The following TBKBP1 variants were observed in gnomAD, a reference collection of about 807,000 sequenced individuals.
TBKBP1 encodes the protein TBK1 binding protein 1, also known as TANK-binding kinase 1-binding protein 1.
TBKBP1 carries 47 observed loss-of-function variants against 69.9 expected under a neutral mutation model. The ratio of observed to expected loss-of-function variants is 0.67; its 90% confidence interval spans 0.53 to 0.86. The LOEUF is 0.86. Among genes scored for constraint, TBKBP1 ranks in the 40% least tolerant of loss-of-function variants. The pLI is 0.00. For missense variants in TBKBP1, 831 were observed against 858.6 expected (o/e 0.97, Z 0.40); for synonymous variants, 418 against 390.3 (o/e 1.07, Z -0.84).
At chr17:47,700,228 A>T (rs1345775833) in intron 7 of TBKBP1, among the ~76,000 whole-genome samples, 1 of 139,594 alleles carries the variant, frequency 7.2e-6, no homozygotes, top group East Asian at 2.3e-4. Flanking sequence ...TGACCTTGTG[A>T]TCCGCCCGCC....
chr17:47,694,892 G>T (rs1052310330), intron 1 of TBKBP1, among the ~76,000 whole-genome samples: 7 of 151,018 alleles, frequency 4.6e-5, no homozygotes, highest in Non-Finnish European at 1.0e-4. Context: ...TGGCGGAGGG[G>T]GGGGGGTGGA....
chr17:47,709,557 C>A (rs1389666235), intron 9 of TBKBP1, 105 bp downstream of exon 9: 2 of 1,376,276 alleles, frequency 1.5e-6, no homozygotes, highest in African/African-American at 1.5e-5. Context: ...GGTGTCAGCG[C>A]ACAAACTATT....
intron 7 of TBKBP1, among the ~76,000 whole-genome samples, chr17:47,706,349 C>T (rs983740927): frequency 3.9e-5 from 6 of 152,190 alleles, no homozygotes; most frequent in Non-Finnish European, 8.8e-5. Flanking sequence ...GGGAAGCCTT[C>T]CCTTGGGGAG....
intron 4 of TBKBP1, 21 bp from the exon 5 acceptor site, chr17:47,698,574 C>T: frequency 1.3e-6 from 2 of 1,565,300 alleles, no homozygotes; most frequent in Non-Finnish European, 1.7e-6. Context: ...TGCAGACCCT[C>T]CCCTCTGTCT....
Position 47,709,323 on chromosome 17 carries a change from C to T in TBKBP1, c.1590C>T (p.Thr530=). 1 of 1,525,526 alleles carries T rather than the reference C, an allele frequency of 6.6e-7. No individual in the cohort carries two copies. The highest frequency in any genetic ancestry group is 2.0e-5 in the Admixed American group (1 of 50,832). 94.5% of individuals were successfully genotyped at this position (1,525,526 alleles called of 1,614,324 possible). A position where few individuals can be genotyped will look rare whatever the true frequency, so the allele number is the denominator to read the frequency against. Residue 530 remains threonine (T), a synonymous_variant, in exon 9 of 10, where the codon ACC becomes ACT. Transcript: ENST00000578982. ...PSEEDEWAVP[T]SPPSPEVGTI... is the part of the protein sequence containing the mutation. ...AGGAGGACGAGTGGGCTGTGCCCACCAGCCCGCCCAGCCCGGAGGTGGGCA... is the reference window on the plus strand; with the variant it reads ...AGGAGGACGAGTGGGCTGTGCCCACTAGCCCGCCCAGCCCGGAGGTGGGCA...
In TBKBP1 at chr17:47,699,616, C is replaced by T. The variant is rs2031408258; in HGVS notation, c.811-20C>T. 1 of 1,613,934 alleles carries T rather than the reference C, an allele frequency of 6.2e-7. No homozygotes were observed. Among genetic ancestry groups the T allele is most frequent in the Non-Finnish European group, 8.5e-7 (1 of 1,179,846 alleles). ...GGCAGGGGTGAGCTTGGGCTCTGAC[C>T]TCTTCATCTTCTTCCTTAGGATCTG... is the stretch of plus-strand genomic sequence containing the variant. On this transcript the variant is annotated intron_variant, in intron 6 of 9. Coordinates refer to ENST00000578982, the MANE Select transcript of TBKBP1 (RefSeq NM_001394755.1).
At position 47,711,394 on chromosome 17, in the gene TBKBP1, G is replaced by A. The variant is rs1453050794; in HGVS notation, c.*768G>A. 6.5e-6 allele frequency: 1 copy of A among 152,806 alleles called. No individual in the cohort carries two copies. Among genetic ancestry groups the A allele is most frequent in the Admixed American group, 6.5e-5 (1 of 15,290 alleles). The allele number at this position is 152,806 out of a possible 1,614,324, so 9.5% of individuals were successfully genotyped here. The stretch of plus-strand genomic sequence containing the variant: ...CCTCCCAGGCCCATGCCCTCCTGGT[G>A]CCCCTGGCACTGAGGCACAGATCGT... On this transcript the variant is annotated 3_prime_UTR_variant, in exon 10 of 10. Transcript: ENST00000578982.
At chr17:47,705,211 A>G (rs747057579) in intron 7 of TBKBP1, among the ~76,000 whole-genome samples, 2 of 152,140 alleles carry the variant, frequency 1.3e-5, no homozygotes, top group African/African-American at 2.4e-5. Context: ...ACGTTATAGC[A>G]TGATGGTCAG....
At chr17:47,703,199 C>T (rs1451899098) in intron 7 of TBKBP1, among the ~76,000 whole-genome samples, 1 of 152,010 alleles carries the variant, frequency 6.6e-6, no homozygotes, top group Non-Finnish European at 1.5e-5. Flanking sequence ...CTTTTCCGCA[C>T]CACCTCCCCC....
At chr17:47,703,900 TC>T (rs1348137765) in intron 7 of TBKBP1, among the ~76,000 whole-genome samples, 3 of 152,154 alleles carry the variant, frequency 2.0e-5, no homozygotes, top group African/African-American at 7.2e-5. Flanking sequence ...AGTAAGAAAT[TC>T]AGTGCAGATG....
At chr17:47,696,361 C>T in intron 2 of TBKBP1, 24 bp downstream of exon 2, 1 of 1,607,440 alleles carries the variant, frequency 6.2e-7, no homozygotes, top group Non-Finnish European at 8.5e-7. Flanking sequence ...GAGGAGGGCG[C>T]CTGATAGAGT....
intron 4 of TBKBP1, among the ~76,000 whole-genome samples, chr17:47,698,006 C>T (rs768345426): frequency 9.4e-4 from 141 of 149,630 alleles, no homozygotes; most frequent in Non-Finnish European, 1.8e-3. Flanking sequence ...CAACCCTAAG[C>T]TATGACCTCA....
At position 47,708,997 on chromosome 17, in the gene TBKBP1, C is replaced by A; in HGVS notation, c.1264C>A (p.Pro422Thr). 1 of 1,134,608 alleles carries A rather than the reference C, an allele frequency of 8.8e-7. No homozygotes were observed. The highest frequency in any genetic ancestry group is 1.1e-6 in the Non-Finnish European group (1 of 925,952). The allele number at this position is 1,134,608 out of a possible 1,614,324, so 70.3% of individuals were successfully genotyped here. The change falls in exon 9 of 10, where the codon CCG becomes ACG. Residue 422 changes from proline to threonine, a missense_variant. Coordinates refer to ENST00000578982, the MANE Select transcript of TBKBP1 (RefSeq NM_001394755.1). This position sits in a 1 kb window ranked among gnomAD's most constrained non-coding sequence, Gnocchi z 4.4. ...CCGTTCCCCGGTGCCCCCCAGCTGC[C>A]CGGCCCCGCAGCCCCGGCCACCGCC... Reference protein sequence around the residue: ...QRRSPVPPSCPAPQPRPPPPP... With the variant: ...QRRSPVPPSCTAPQPRPPPPP...
intron 5 of TBKBP1, among the ~76,000 whole-genome samples, chr17:47,699,009 G>GGC (rs1418733123): frequency 2.0e-5 from 3 of 151,898 alleles, no homozygotes; most frequent in Non-Finnish European, 4.4e-5. Context: ...GCCAGCAGAG[G>GGC]GCGCCCCCAC....
chr17:47,703,647 C>T (rs1172970324), intron 7 of TBKBP1, among the ~76,000 whole-genome samples: 1 of 152,146 alleles, frequency 6.6e-6, no homozygotes, highest in South Asian at 2.1e-4. Context: ...CATCTTCCCT[C>T]CTTAAACCGA....
In TBKBP1 at chr17:47,709,296, G is replaced by A; in HGVS notation, c.1563G>A (p.Ser521=). ...GIRLRFEKQP[S]EEDEWAVPTS... ...GGCTGCGCTTCGAGAAGCAGCCGTC[G>A]GAGGAGGACGAGTGGGCTGTGCCCA... The change falls in exon 9 of 10, where the codon TCG becomes TCA. Residue 521 remains serine, a synonymous_variant. Coordinates refer to ENST00000578982, the MANE Select transcript of TBKBP1 (RefSeq NM_001394755.1). The A allele has an allele frequency of 2.6e-6, 4 of 1,528,654 alleles. No individual in the cohort carries two copies. Among genetic ancestry groups the A allele is most frequent in the Non-Finnish European group, 3.5e-6 (4 of 1,145,568 alleles). 94.7% of individuals were successfully genotyped at this position (1,528,654 alleles called of 1,614,324 possible).
chr17:47,695,221 C>T (rs921217107), intron 1 of TBKBP1: 2 of 152,984 alleles, frequency 1.3e-5, no homozygotes, highest in Non-Finnish European at 2.9e-5. Context: ...GACGCACACT[C>T]CCCCCATACG....
At chr17:47,695,850 AC>A (rs2031207400) in intron 1 of TBKBP1, 1 of 408,836 alleles carries the variant, frequency 2.4e-6, no homozygotes, top group Non-Finnish European at 4.4e-6. Context: ...ACTTGTCAAC[AC>A]CCTGGCAGCG....
At chr17:47,710,326 G>A (rs950675421) in intron 9 of TBKBP1, among the ~76,000 whole-genome samples, 172 bp from the exon 10 acceptor site, 2 of 152,126 alleles carry the variant, frequency 1.3e-5, no homozygotes, top group East Asian at 3.9e-4. Context: ...CCCTGGGCAG[G>A]GGGGTGGACA....
Sources: allele counts gnomAD v4.1 joint callset (sites outside exome capture counted in the v4.1 genomes callset), GRCh38; gene constraint gnomAD v4.1.1; non-coding constraint Gnocchi (gnomAD v3.1); transcripts MANE v1.5; gene names NCBI Gene and HGNC (gene_info 2026-07-23, HGNC 2026-07-21).